LAMA1: variants seen among roughly 807,000 people sequenced by gnomAD.
LAMA1 encodes the protein laminin subunit alpha-1.
Under a neutral mutation model 348.7 loss-of-function variants are expected in LAMA1, and 219 were observed. That is an observed-to-expected ratio of 0.63 (90% CI 0.56 to 0.70). The LOEUF (loss-of-function observed/expected upper bound fraction) is 0.70. LAMA1 is among the 30% of genes least tolerant of loss of function. The pLI is 0.00. For missense variants in LAMA1, 3,744 were observed against 3,888.0 expected (o/e 0.96, Z 0.99); for synonymous variants, 1,487 against 1,491.0 (o/e 1.00, Z 0.06).
At chr18:6,957,342 CATGAATGA>C (rs10635570) in intron 55 of LAMA1, 18 of 153,984 alleles carry the variant, frequency 1.2e-4, no homozygotes, top group Admixed American at 2.5e-4. Flanking sequence ...GAGGATGCCT[CATGAATGA>C]ATGAATGAAT....
At chr18:6,969,322 A>T (rs2057647892) in intron 48 of LAMA1, among the ~76,000 whole-genome samples, 1 of 152,140 alleles carries the variant, frequency 6.6e-6, no homozygotes, top group Non-Finnish European at 1.5e-5. Flanking sequence ...TACAGGCGTG[A>T]CCCTCACCCA....
intron 1 of LAMA1, among the ~76,000 whole-genome samples, chr18:7,105,668 G>A (rs900674850): frequency 1.6e-4 from 24 of 152,134 alleles, no homozygotes; most frequent in African/African-American, 5.8e-4. Context: ...AAGAAGGGAT[G>A]CGGCACAGAA....
intron 1 of LAMA1, among the ~76,000 whole-genome samples, chr18:7,105,594 G>A (rs560593347): frequency 2.6e-4 from 39 of 152,300 alleles, no homozygotes; most frequent in African/African-American, 9.1e-4. Flanking sequence ...AAGGGAAGAA[G>A]GGGGTGGCCC....
chr18:6,999,451 A>C lies in LAMA1; in HGVS notation c.4657T>G (p.Cys1553Gly). The C allele has an allele frequency of 6.2e-7, 1 of 1,614,214 alleles. No individual in the cohort carries two copies. The highest frequency in any genetic ancestry group is 8.5e-7 in the Non-Finnish European group (1 of 1,180,030). ...EPRHILMETDCVSCDDECVGV... is the reference protein window; with the variant it reads ...EPRHILMETDGVSCDDECVGV... ...TTAGAGGAGAAATACTCACAAACAC[A>C]ATCTGTTTCCATCAGAATGTGCCTC... Residue 1553 changes from cysteine (C) to glycine (G), a missense_variant, in exon 32 of 63, where the codon TGT becomes GGT. Cys to Gly is a radical substitution (Grantham distance 159). This residue lies in a region of LAMA1 where 1,983 missense variants were observed against 1,934.3 expected (regional missense o/e 1.03). Transcript: ENST00000389658.
intron 7 of LAMA1, 62 bp downstream of exon 7, chr18:7,044,660 C>G: frequency 1.6e-6 from 2 of 1,278,294 alleles, no homozygotes; most frequent in Non-Finnish European, 2.3e-6. Flanking sequence ...GTTAAGACAC[C>G]ATAAACTTGG....
chr18:7,045,104 CTTA>C (rs1420793372), intron 6 of LAMA1, among the ~76,000 whole-genome samples: 2 of 152,152 alleles, frequency 1.3e-5, no homozygotes, highest in Admixed American at 6.5e-5. Context: ...ATACATGGAA[CTTA>C]TTAAGGGTTT....
At chr18:7,030,028 G>A (rs889600203) in intron 16 of LAMA1, among the ~76,000 whole-genome samples, 3 of 150,826 alleles carry the variant, frequency 2.0e-5, no homozygotes, top group Non-Finnish European at 2.9e-5. Flanking sequence ...ATGCTACCAC[G>A]TTTTTTGTAT....
intron 1 of LAMA1, among the ~76,000 whole-genome samples, chr18:7,115,708 C>T (rs1235198337): frequency 1.3e-5 from 2 of 150,498 alleles, no homozygotes; most frequent in South Asian, 2.1e-4. Context: ...CGGCGGCTCA[C>T]GCCTGCAAAC....
At chr18:6,953,476 C>T (rs538046649) in intron 57 of LAMA1, among the ~76,000 whole-genome samples, 8 of 152,234 alleles carry the variant, frequency 5.3e-5, no homozygotes, top group African/African-American at 9.6e-5. Context: ...GTGTATATGA[C>T]GTTTAGGTAC....
intron 28 of LAMA1, 127 bp from the exon 29 acceptor site, chr18:7,007,403 T>C (rs1039763545): frequency 1.2e-6 from 1 of 864,978 alleles, no homozygotes; most frequent in Non-Finnish European, 1.7e-6. Flanking sequence ...TCGACATCTC[T>C]ATCAGAGAAA....
intron 1 of LAMA1, among the ~76,000 whole-genome samples, chr18:7,096,693 G>GTA (rs1236780148): frequency 6.6e-6 from 1 of 151,840 alleles, no homozygotes. Context: ...TTCCATATGT[G>GTA]TATATATATA....
chr18:7,069,763 C>G (rs1568054613), intron 3 of LAMA1, among the ~76,000 whole-genome samples: 2 of 152,070 alleles, frequency 1.3e-5, no homozygotes, highest in Admixed American at 6.5e-5. Flanking sequence ...AACCTTCTCC[C>G]AGCTGGTCTG....
intron 1 of LAMA1, among the ~76,000 whole-genome samples, chr18:7,104,519 C>T (rs1034163379): frequency 1.3e-5 from 2 of 152,000 alleles, no homozygotes; most frequent in African/African-American, 2.4e-5. Context: ...GGCTGGAGTC[C>T]GTCAGAGTGC....
chr18:7,107,926 A>C (rs2058320070), intron 1 of LAMA1, among the ~76,000 whole-genome samples: 1 of 151,976 alleles, frequency 6.6e-6, no homozygotes, highest in Admixed American at 6.6e-5. Context: ...AGGCAGGAGA[A>C]TGGCGTGAAT....
chr18:7,114,117 G>C (rs1264200986), intron 1 of LAMA1, among the ~76,000 whole-genome samples: 1 of 150,942 alleles, frequency 6.6e-6, no homozygotes, highest in Non-Finnish European at 1.5e-5. Context: ...AGACTACACA[G>C]ATTTTCAGGA....
chr18:7,017,139 A>G, intron 20 of LAMA1, 139 bp downstream of exon 20: 1 of 761,222 alleles, frequency 1.3e-6, no homozygotes, highest in Non-Finnish European at 2.3e-6. Flanking sequence ...CTTTGTTGAT[A>G]AATTCCCCAG....
At chr18:7,022,499 C>T (rs1489309169) in intron 19 of LAMA1, among the ~76,000 whole-genome samples, 9 of 152,276 alleles carry the variant, frequency 5.9e-5, no homozygotes, top group South Asian at 2.1e-4. Flanking sequence ...GTCCCCATGT[C>T]GTAGTACCAT....
At chr18:6,993,192 A>G (rs1057412138) in intron 35 of LAMA1, among the ~76,000 whole-genome samples, 2 of 152,172 alleles carry the variant, frequency 1.3e-5, no homozygotes, top group African/African-American at 4.8e-5. Flanking sequence ...ATAATATAAA[A>G]AGAAGAGCGA....
rs1321734151 is a variant in LAMA1, at chr18:7,043,287, C to T, written c.1095G>A (p.Leu365=). 6.2e-7 allele frequency: 1 copy of T among 1,614,096 alleles called. No homozygotes were observed. Among genetic ancestry groups the T allele is most frequent in the African/African-American group, 1.3e-5 (1 of 75,046 alleles). Residue 365 remains leucine (L), a synonymous_variant, in exon 8 of 63, where the codon TTG becomes TTA. Transcript: ENST00000389658. ...FRGGGVCINC[L]QNTMGINCET... is the part of the protein sequence containing the mutation. ...CACAGTTGATTCCCATGGTGTTCTG[C>T]AAGCAATTTATGCAAACCCCTCCTC...
Sources: allele counts gnomAD v4.1 joint callset (sites outside exome capture counted in the v4.1 genomes callset), GRCh38; gene constraint gnomAD v4.1.1; regional missense constraint gnomAD v4.1.1; transcripts MANE v1.5; gene names NCBI Gene and HGNC (gene_info 2026-07-23, HGNC 2026-07-21).